The following CTNND1 variants were observed in gnomAD, a reference collection of about 807,000 sequenced individuals.
The protein encoded by CTNND1 is catenin delta-1.
Under a neutral mutation model 112.1 loss-of-function variants are expected in CTNND1, and 16 were observed. The observed-to-expected ratio is 0.14, with a 90% CI of 0.10 to 0.22. The LOEUF (loss-of-function observed/expected upper bound fraction) is 0.22, where lower values mean the gene tolerates loss of function less well. Ranked by LOEUF, CTNND1 falls within the 10% of genes least tolerant of loss-of-function variation. The probability of loss-of-function intolerance (pLI) is 1.00; values close to 1 mark genes in which losing one functional copy is unlikely to be tolerated. For synonymous variants in CTNND1, 420 were observed against 446.5 expected (o/e 0.94, Z 0.75); for missense variants, 1,008 against 1,257.0 (o/e 0.80, Z 3.00).
chr11:57,788,917 A>G lies in CTNND1; in HGVS notation c.-213-120A>G, dbSNP rs1413215319. The G allele has an allele frequency of 1.3e-6, 1 of 770,604 alleles. No homozygotes were observed. The highest frequency in any genetic ancestry group is 2.2e-6 in the Non-Finnish European group (1 of 458,452). The allele number at this position is 770,604 out of a possible 1,614,324, so 47.7% of individuals were successfully genotyped here. A position where few individuals can be genotyped will look rare whatever the true frequency, so the allele number is the denominator to read the frequency against. ...GCACTTGTCACATTAAGCAATTCCA[A>G]GTCATATTTTAAATTACTTCCTTTC... is the stretch of plus-strand genomic sequence containing the variant. On this transcript the variant is annotated intron_variant, in intron 1 of 20. Transcript: ENST00000399050. The surrounding 1 kb of genome is among the most constrained non-coding windows in gnomAD (Gnocchi z 4.1).
At chr11:57,775,512 CTT>C (rs1464491417) in intron 1 of CTNND1, among the ~76,000 whole-genome samples, 5 of 152,146 alleles carry the variant, frequency 3.3e-5, no homozygotes, top group African/African-American at 1.2e-4. Flanking sequence ...TATGCCAACA[CTT>C]AGCATGGTAT....
chr11:57,800,236 C>A (rs2061856048), intron 6 of CTNND1, among the ~76,000 whole-genome samples: 1 of 150,948 alleles, frequency 6.6e-6, no homozygotes, highest in Non-Finnish European at 1.5e-5. Context: ...TTTTTAGTAC[C>A]CCCTTCTTGA....
At chr11:57,770,630 C>T (rs1952338504) in intron 1 of CTNND1, among the ~76,000 whole-genome samples, 1 of 149,374 alleles carries the variant, frequency 6.7e-6, no homozygotes, top group African/African-American at 2.5e-5. Flanking sequence ...TCTAGCCTGG[C>T]GAGAGAGTGA....
intron 1 of CTNND1, among the ~76,000 whole-genome samples, chr11:57,775,448 C>T (rs1340125717): frequency 2.6e-5 from 4 of 152,036 alleles, no homozygotes; most frequent in African/African-American, 4.8e-5. Context: ...AGTGATTTAC[C>T]TCTGTGTCCT....
At chr11:57,807,847 A>G (rs938063852) in intron 12 of CTNND1, among the ~76,000 whole-genome samples, 4 of 152,104 alleles carry the variant, frequency 2.6e-5, no homozygotes, top group Admixed American at 6.6e-5. Context: ...AGTGCTGTCA[A>G]TGAGCTAAAT....
At chr11:57,807,113 A>T (rs753957189) in intron 12 of CTNND1, 130 bp downstream of exon 12, 4 of 781,880 alleles carry the variant, frequency 5.1e-6, no homozygotes, top group Non-Finnish European at 8.4e-6. Flanking sequence ...ATTTGAAATG[A>T]TTGTGAAAGT....
intron 1 of CTNND1, among the ~76,000 whole-genome samples, chr11:57,780,398 T>C (rs903191211): frequency 6.6e-6 from 1 of 152,172 alleles, no homozygotes; most frequent in African/African-American, 2.4e-5. Flanking sequence ...AAATTCATAC[T>C]CTTTCCACTT....
chr11:57,772,794 T>TTCTCTCTC (rs372025797), intron 1 of CTNND1, among the ~76,000 whole-genome samples: 1 of 150,054 alleles, frequency 6.7e-6, no homozygotes, highest in African/African-American at 2.4e-5. Context: ...CTCTGTCTCG[T>TTCTCTCTC]TCTCTCTCTC....
intron 6 of CTNND1, 36 bp from the exon 7 acceptor site, chr11:57,801,697 T>C (rs770061657): frequency 6.4e-7 from 1 of 1,553,762 alleles, no homozygotes; most frequent in Non-Finnish European, 8.8e-7. Context: ...CCATAATGAC[T>C]TGATGTATTC....
intron 10 of CTNND1, among the ~76,000 whole-genome samples, 155 bp downstream of exon 10, chr11:57,806,190 AT>A (rs1462363464): frequency 2.7e-5 from 4 of 150,622 alleles, no homozygotes; most frequent in Non-Finnish European, 5.9e-5. Flanking sequence ...TGTGTGCTTC[AT>A]TCAAGGTGTG....
In CTNND1 at chr11:57,804,788, C is replaced by G. The variant is rs1316501349; in HGVS notation, c.1722+8C>G. On this transcript the variant is annotated splice_region_variant and intron_variant, in intron 9 of 20. Coordinates refer to ENST00000399050, the MANE Select transcript of CTNND1 (RefSeq NM_001085458.2). ...AAGGATTCAGACAGCAAGGTAAGTG[C>G]TGTCTTACCTTTAATGGCTGAGTGA... The G allele has an allele frequency of 2.5e-6, 4 of 1,584,914 alleles. No individual in the cohort carries two copies. The Admixed American group carries it at 6.7e-5, about 27-fold the overall frequency.
Position 57,794,076 on chromosome 11 carries a change from C to G in CTNND1, c.262C>G (p.Pro88Ala). 7 of 1,613,814 alleles carry G rather than the reference C, an allele frequency of 4.3e-6. No homozygotes were observed. The highest frequency in any genetic ancestry group is 5.9e-6 in the Non-Finnish European group (7 of 1,179,748). The change falls in exon 4 of 21, where the codon CCC (proline) becomes GCC (alanine). Residue 88 changes from proline to alanine, a missense_variant. Pro to Ala is a conservative substitution (Grantham distance 27). Around this residue, in one of 5 missense-constraint regions of CTNND1, gnomAD observed 404 missense variants for 457.9 expected, o/e 0.88. Transcript: ENST00000399050. ...QKFSDLKLNG[P>A]QDHSHLLYST... The stretch of plus-strand genomic sequence containing the variant: ...ATTTTCAGATTTGAAACTCAACGGA[C>G]CCCAGGTAATTCTTTGGCTCAAGAC...
At position 57,804,699 on chromosome 11, in the gene CTNND1, A is replaced by G. The variant is rs747592582; in HGVS notation, c.1641A>G (p.Lys547=). 2.5e-6 allele frequency: 4 copies of G among 1,613,838 alleles called. No individual in the cohort carries two copies. The Admixed American group carries it at 6.7e-5, about 27-fold the overall frequency. ...VSSERSEARR[K]LRECDGLVDA... ...CAGAGAGGAGTGAAGCTCGCCGGAA[A>G]CTTCGGGAATGTGATGGTTTAGTTG... Residue 547 remains lysine, a synonymous_variant, in exon 9 of 21, where the codon AAA becomes AAG. Coordinates refer to ENST00000399050, the MANE Select transcript of CTNND1 (RefSeq NM_001085458.2).
At position 57,803,505 on chromosome 11, in the gene CTNND1, G is replaced by C. The variant is rs576590459; in HGVS notation, c.1421-116G>C. 58 of 675,410 alleles carry C rather than the reference G, an allele frequency of 8.6e-5. No homozygotes were observed. The South Asian group carries it at 1.3e-3, about 15-fold the overall frequency. 41.8% of individuals were successfully genotyped at this position (675,410 alleles called of 1,614,324 possible). On this transcript the variant is annotated intron_variant, in intron 7 of 20. Coordinates refer to ENST00000399050, the MANE Select transcript of CTNND1 (RefSeq NM_001085458.2). ...AAACAAAGCTTGAATATTACTATAAGGTATTTGGTCACTGGGGAAGACTGA... is the reference window on the plus strand; with the variant it reads ...AAACAAAGCTTGAATATTACTATAACGTATTTGGTCACTGGGGAAGACTGA...
At chr11:57,811,367 T>C (rs2063338938) in intron 16 of CTNND1, 32 bp from the exon 17 acceptor site, 8 of 1,540,004 alleles carry the variant, frequency 5.2e-6, no homozygotes, top group Non-Finnish European at 7.2e-6. Flanking sequence ...TTCAGTATTC[T>C]GTCACATTGT....
In CTNND1 at chr11:57,761,884, A is replaced by G. The variant is rs1414888350; in HGVS notation, c.-449A>G. The G allele has an allele frequency of 1.0e-6, 1 of 985,216 alleles. No homozygotes were observed. The highest frequency in any genetic ancestry group is 1.7e-5 in the African/African-American group (1 of 57,196). 61.0% of individuals were successfully genotyped at this position (985,216 alleles called of 1,614,324 possible). A position where few individuals can be genotyped will look rare whatever the true frequency, so the allele number is the denominator to read the frequency against. ...TAGGTGTTGGATCTGAGGGGGAAAA[A>G]AAAGAGAGAGGGAGAGAGAGAGAAA... On this transcript the variant is annotated 5_prime_UTR_variant, in exon 1 of 21. Transcript: ENST00000399050.
chr11:57,762,992 T>C (rs1362617034), intron 1 of CTNND1, among the ~76,000 whole-genome samples: 1 of 152,238 alleles, frequency 6.6e-6, no homozygotes, highest in Non-Finnish European at 1.5e-5. Context: ...AAACCATTTA[T>C]ACAAAGTTTA....
rs753444751 is a variant in CTNND1 at position 57,796,915 on chromosome 11, C to A, written c.879C>A (p.Asp293Glu). The A allele has an allele frequency of 9.4e-6, 15 of 1,588,816 alleles. No homozygotes were observed. Among genetic ancestry groups the A allele is most frequent in the Admixed American group, 6.9e-5 (4 of 58,014 alleles). ...ACCAGCGTAGTATGGGCTATGATGA[C>A]CTGGATTATGGTATGATGTCTGATT... ...EDDQRSMGYD[D>E]LDYGMMSDYG... The change falls in exon 6 of 21, where the codon GAC (aspartate) becomes GAA (glutamate). Residue 293 changes from aspartate (D) to glutamate (E), a missense_variant. This residue lies in a region of CTNND1 where 404 missense variants were observed against 457.9 expected (regional missense o/e 0.88). Transcript: ENST00000399050.
chr11:57,814,320 C>A lies in CTNND1; in HGVS notation c.2648C>A (p.Pro883His), dbSNP rs781361751. Reference protein sequence around the residue: ...IDRNQKSDKKPDREEIQMSNM... With the variant: ...IDRNQKSDKKHDREEIQMSNM... ...TTCTGACTTCATACAGATAAGAAAC[C>A]TGATCGGGAAGAAATTCAGATGAGC... Residue 883 changes from proline (P) to histidine (H), a missense_variant, in exon 18 of 21, where the codon CCT (proline) becomes CAT (histidine). Transcript: ENST00000399050. 2 of 1,611,366 alleles carry A rather than the reference C, an allele frequency of 1.2e-6. No homozygotes were observed. Among genetic ancestry groups the A allele is most frequent in the Admixed American group, 1.7e-5 (1 of 59,776 alleles).
Sources: gnomAD v4.1 joint callset for allele counts (sites outside exome capture counted in the v4.1 genomes callset) on GRCh38, gnomAD v4.1.1 for gene constraint, gnomAD v4.1.1 regional missense constraint, Gnocchi (gnomAD v3.1) non-coding constraint, MANE v1.5 for transcripts, NCBI Gene and HGNC (gene_info 2026-07-23, HGNC 2026-07-21) for gene names.